Variants in PDE4D observed in about 807,000 individuals in gnomAD.
PDE4D encodes the protein phosphodiesterase 4D.
PDE4D carries 24 observed loss-of-function variants against 87.4 expected under a neutral mutation model. The ratio of observed to expected loss-of-function variants is 0.27; its 90% CI spans 0.20 to 0.39. The LOEUF (loss-of-function observed/expected upper bound fraction) is 0.39. Ranked by LOEUF, PDE4D falls within the 10% of genes least tolerant of loss-of-function variation. The pLI is 1.00. For missense variants in PDE4D, 714 were observed against 1,041.0 expected (o/e 0.69, Z 4.32); for synonymous variants, 384 against 383.2 (o/e 1.00, Z -0.02).
intron 5 of PDE4D, among the ~76,000 whole-genome samples, chr5:59,158,492 T>A (rs1414023448): frequency 6.6e-6 from 1 of 152,198 alleles, no homozygotes; most frequent in Non-Finnish European, 1.5e-5. Context: ...CTTTTAACTC[T>A]TTGTTGAAAA....
chr5:59,467,572 G>A (rs144313102), intron 1 of PDE4D, among the ~76,000 whole-genome samples: 4 of 152,224 alleles, frequency 2.6e-5, no homozygotes, highest in East Asian at 1.9e-4. Flanking sequence ...AGTAAACAAT[G>A]TCTTGTTACT....
intron 1 of PDE4D, among the ~76,000 whole-genome samples, chr5:60,260,276 C>T (rs187259405): frequency 5.9e-5 from 9 of 152,052 alleles, no homozygotes; most frequent in Non-Finnish European, 8.8e-5. Flanking sequence ...GTAAATTACC[C>T]GCCCAAAGTC....
intron 3 of PDE4D, among the ~76,000 whole-genome samples, chr5:59,980,895 G>A (rs1295469278): frequency 6.6e-6 from 1 of 152,104 alleles, no homozygotes; most frequent in Non-Finnish European, 1.5e-5. Flanking sequence ...GAAATAAGAT[G>A]ATTTTTATCC....
At chr5:59,909,107 A>G (rs1753160756) in intron 3 of PDE4D, among the ~76,000 whole-genome samples, 1 of 152,202 alleles carries the variant, frequency 6.6e-6, no homozygotes, top group African/African-American at 2.4e-5. Context: ...TTGATTTCTT[A>G]TACCCAAACA....
intron 2 of PDE4D, among the ~76,000 whole-genome samples, chr5:60,161,217 C>T (rs975961763): frequency 1.3e-5 from 2 of 152,126 alleles, no homozygotes; most frequent in East Asian, 3.9e-4. Flanking sequence ...CTACCTCATA[C>T]TATTTAATTG....
At chr5:60,097,831 T>C (rs749930522) in intron 2 of PDE4D, among the ~76,000 whole-genome samples, 18 of 151,952 alleles carry the variant, frequency 1.2e-4, no homozygotes, top group Non-Finnish European at 4.4e-5. Flanking sequence ...ATCTCTCCTT[T>C]TAAGTTTACA....
At chr5:59,222,543 A>T in intron 1 of PDE4D, among the ~76,000 whole-genome samples, 1 of 152,156 alleles carries the variant, frequency 6.6e-6, no homozygotes, top group Middle Eastern at 3.2e-3. Flanking sequence ...TTACCGAAGC[A>T]TCTATGAAGG....
intron 5 of PDE4D, among the ~76,000 whole-genome samples, chr5:59,135,822 T>A (rs1776980319): frequency 6.6e-6 from 1 of 152,156 alleles, no homozygotes; most frequent in Non-Finnish European, 1.5e-5. Context: ...CTACATAGCA[T>A]GAGGAGGAAT....
intron 1 of PDE4D, among the ~76,000 whole-genome samples, chr5:59,556,015 A>G (rs1818845877): frequency 6.6e-6 from 1 of 152,038 alleles, no homozygotes; most frequent in Non-Finnish European, 1.5e-5. Flanking sequence ...AGTTTCCTCT[A>G]TTTCTCTAAA....
intron 1 of PDE4D, among the ~76,000 whole-genome samples, chr5:59,660,191 A>AAATG (rs1745010004): frequency 1.4e-5 from 2 of 145,430 alleles, no homozygotes; most frequent in African/African-American, 5.6e-5. Context: ...TCTGTCGCCA[A>AAATG]AATAAATAAA....
At chr5:58,977,045 G>C (rs1743990675) in intron 12 of PDE4D, 146 bp downstream of exon 12, 2 of 676,522 alleles carry the variant, frequency 3.0e-6, no homozygotes, top group African/African-American at 3.6e-5. Context: ...ATCACAGCCA[G>C]CATCACGGGC....
At chr5:59,954,625 C>A (rs1758644764) in intron 3 of PDE4D, among the ~76,000 whole-genome samples, 1 of 152,134 alleles carries the variant, frequency 6.6e-6, no homozygotes. Flanking sequence ...TTCTTATTCT[C>A]AAAGACCTAG....
chr5:59,202,130 C>G lies in PDE4D; in HGVS notation c.648-8594G>C, dbSNP rs529654068. Among the ~76,000 whole-genome samples, 10 of 150,636 alleles carry G rather than the reference C, an allele frequency of 6.6e-5. No individual in the cohort carries two copies. The South Asian group carries it at 1.5e-3, about 22-fold the overall frequency. On this transcript the variant is annotated intron_variant, in intron 2 of 14. Coordinates refer to ENST00000340635, the MANE Select transcript of PDE4D (RefSeq NM_001104631.2). Reference sequence around the variant, plus strand: ...TCTCGGCTCACTGCAAGCTCCGCCTCCCGGGTTCACGCCATTCTCCTGCCT... The same window carrying G: ...TCTCGGCTCACTGCAAGCTCCGCCTGCCGGGTTCACGCCATTCTCCTGCCT...
At chr5:59,783,742 C>A (rs1341377615) in intron 1 of PDE4D, among the ~76,000 whole-genome samples, 2 of 152,188 alleles carry the variant, frequency 1.3e-5, no homozygotes, top group African/African-American at 4.8e-5. Flanking sequence ...GATCCTGGAA[C>A]ATTCCATGTA....
chr5:60,248,747 G>C (rs551221152), intron 1 of PDE4D, among the ~76,000 whole-genome samples: 9 of 151,834 alleles, frequency 5.9e-5, no homozygotes, highest in African/African-American at 2.2e-4. Context: ...GTTGGTATTG[G>C]TGTCAAAATC....
At chr5:59,401,782 G>A (rs1000731043) in intron 1 of PDE4D, among the ~76,000 whole-genome samples, 1 of 152,176 alleles carries the variant, frequency 6.6e-6, no homozygotes, top group Non-Finnish European at 1.5e-5. Context: ...CTCAGCAAGG[G>A]AACTGTGCTG....
At chr5:59,230,951 C>A (rs1336187640) in intron 1 of PDE4D, among the ~76,000 whole-genome samples, 2 of 152,160 alleles carry the variant, frequency 1.3e-5, no homozygotes, top group African/African-American at 2.4e-5. Context: ...TAAACAATCA[C>A]TTGCCTCTTC....
intron 1 of PDE4D, among the ~76,000 whole-genome samples, chr5:60,294,856 C>T (rs1446151084): frequency 1.3e-5 from 2 of 151,780 alleles, no homozygotes; most frequent in Admixed American, 1.3e-4. Flanking sequence ...CTTTACTCTC[C>T]CATATAAATT....
At chr5:59,229,621 A>G (rs1310200492) in intron 1 of PDE4D, among the ~76,000 whole-genome samples, 1 of 152,222 alleles carries the variant, frequency 6.6e-6, no homozygotes, top group Non-Finnish European at 1.5e-5. Flanking sequence ...AACTACGTGC[A>G]GCTGCTAGTA....
Sources: gnomAD v4.1 joint callset for allele counts (sites outside exome capture counted in the v4.1 genomes callset) on GRCh38, gnomAD v4.1.1 for gene constraint, MANE v1.5 for transcripts, NCBI Gene and HGNC (gene_info 2026-07-23, HGNC 2026-07-21) for gene names.